Variants in LINGO2 observed in about 807,000 individuals in gnomAD.
LINGO2 encodes leucine-rich repeat and immunoglobulin-like domain-containing nogo receptor-interacting protein 2.
In LINGO2, 14 loss-of-function variants were observed where a neutral mutation model predicts 30.6. The observed-to-expected ratio is 0.46, with a 90% confidence interval of 0.30 to 0.72. LINGO2 has a LOEUF of 0.72. LINGO2 is among the 30% of genes least tolerant of loss of function. The probability of loss-of-function intolerance (pLI) is 0.07; values close to 1 mark genes in which losing one functional copy is unlikely to be tolerated. For missense variants in LINGO2, 729 were observed against 751.7 expected (o/e 0.97, Z 0.35); for synonymous variants, 317 against 288.5 (o/e 1.10, Z -1.00).
At chr9:28,581,086 G>C (rs1004538770) in intron 1 of LINGO2, among the ~76,000 whole-genome samples, 1 of 151,946 alleles carries the variant, frequency 6.6e-6, no homozygotes, top group Non-Finnish European at 1.5e-5. Flanking sequence ...TATCTAACCA[G>C]TAGTGGGTAA....
At chr9:28,679,259 T>C in the LINGO2 span, among the ~76,000 whole-genome samples, 3 of 152,096 alleles carry the variant, frequency 2.0e-5, no homozygotes, top group African/African-American at 7.2e-5. Context: ...CTTTTCACCA[T>C]TATCAAAGCT....
At chr9:28,362,012 A>G (rs983924126) in intron 3 of LINGO2, among the ~76,000 whole-genome samples, 4 of 152,242 alleles carry the variant, frequency 2.6e-5, no homozygotes, top group African/African-American at 4.8e-5. Flanking sequence ...AAGGTGGTAG[A>G]GTACTGTCTG....
intron 1 of LINGO2, among the ~76,000 whole-genome samples, chr9:28,603,896 G>T (rs1158762377): frequency 6.6e-6 from 1 of 151,956 alleles, no homozygotes; most frequent in Non-Finnish European, 1.5e-5. Context: ...ATTGAGACTC[G>T]TCTGCTTAGA....
chr9:28,036,831 G>T lies in LINGO2; in HGVS notation c.-86-24426C>A, dbSNP rs1332350699. ...GCTCAAGAAAATTCAAAAGAAGCAG[G>T]AGAAGCCAGACTATTTCTAGACACA... On this transcript the variant is annotated intron_variant, in intron 4 of 5. Transcript: ENST00000379992. 2.2e-4 allele frequency among the ~76,000 whole-genome samples: 33 copies of T among 152,332 alleles called. 1 individual carries two copies. The highest frequency in any genetic ancestry group is 1.6e-4 in the Non-Finnish European group (11 of 68,024).
rs73433389 is a variant in LINGO2, at chr9:28,382,689, A to G, written c.-278-9821T>C. On this transcript the variant is annotated intron_variant, in intron 2 of 5. Transcript: ENST00000379992. ...ACATTTCAATAAAAAACACTAAAGC[A>G]TGGTGGTCAAAAATACTTGCTCTGT... Among the ~76,000 whole-genome samples, 425 of 152,180 alleles carry G rather than the reference A, an allele frequency of 2.8e-3. 1 individual carries two copies. Among genetic ancestry groups the G allele is most frequent in the African/African-American group, 9.6e-3 (399 of 41,546 alleles).
chr9:28,373,470 G>A (rs890828769), intron 2 of LINGO2, among the ~76,000 whole-genome samples: 5 of 152,100 alleles, frequency 3.3e-5, no homozygotes, highest in African/African-American at 9.7e-5. Context: ...CAAACTGCAA[G>A]CCACTTTTGT....
At chr9:28,696,421 C>G in the LINGO2 span, among the ~76,000 whole-genome samples, 41,480 of 151,528 alleles carry the variant, frequency 0.27, 6,242 homozygotes, top group African/African-American at 0.39. Flanking sequence ...TGTGGAAGGG[C>G]CTCTTAACAT....
intron 4 of LINGO2, among the ~76,000 whole-genome samples, chr9:28,133,658 G>A (rs1163517562): frequency 6.6e-6 from 1 of 152,108 alleles, no homozygotes; most frequent in African/African-American, 2.4e-5. Flanking sequence ...CTTGGAGGCG[G>A]GGTTCATAGA....
chr9:29,054,459 T>C, the LINGO2 span, among the ~76,000 whole-genome samples: 1 of 152,182 alleles, frequency 6.6e-6, no homozygotes, highest in African/African-American at 2.4e-5. Context: ...TTTATAAATA[T>C]ATTTCAAAGC....
intron 4 of LINGO2, among the ~76,000 whole-genome samples, chr9:28,118,798 T>G (rs550321196): frequency 1.3e-5 from 2 of 152,176 alleles, no homozygotes; most frequent in African/African-American, 4.8e-5. Context: ...CTACATCTAG[T>G]AAAGGACAAA....
chr9:28,305,871 A>G (rs1333428248), intron 3 of LINGO2, among the ~76,000 whole-genome samples: 5 of 152,086 alleles, frequency 3.3e-5, no homozygotes, highest in African/African-American at 1.2e-4. Context: ...AGTCAGCCAC[A>G]CTATATTTAC....
chr9:28,174,702 G>T (rs890688670), intron 4 of LINGO2, among the ~76,000 whole-genome samples: 97 of 152,240 alleles, frequency 6.4e-4, no homozygotes, highest in African/African-American at 2.0e-3. Context: ...TATGGTGAAT[G>T]CATGAACACT....
At chr9:28,174,921 T>TGTGTGTGTGTGTGA (rs962695032) in intron 4 of LINGO2, among the ~76,000 whole-genome samples, 46 of 133,414 alleles carry the variant, frequency 3.4e-4, no homozygotes, top group African/African-American at 9.3e-4. Flanking sequence ...TGTGTGTGTG[T>TGTGTGTGTGTGTGA]GAGAGAGAGA....
chr9:28,950,212 G>A, the LINGO2 span, among the ~76,000 whole-genome samples: 203 of 152,182 alleles, frequency 1.3e-3, no homozygotes, highest in Non-Finnish European at 3.8e-4. Flanking sequence ...TGCTAAGAAC[G>A]CTCAATAAAC....
intron 1 of LINGO2, among the ~76,000 whole-genome samples, chr9:28,495,645 T>A (rs1409089205): frequency 6.6e-6 from 1 of 152,178 alleles, no homozygotes; most frequent in East Asian, 1.9e-4. Context: ...TGAAGTCAGG[T>A]GTCTCTATTT....
chr9:28,322,339 T>G (rs1825074076), intron 3 of LINGO2, among the ~76,000 whole-genome samples: 1 of 152,050 alleles, frequency 6.6e-6, no homozygotes, highest in Admixed American at 6.6e-5. Context: ...TTCATTCCAC[T>G]TAAAAAATAT....
rs147624696 is a variant in LINGO2, at chr9:28,230,686, A to G, written c.-87+64522T>C. The stretch of plus-strand genomic sequence containing the variant: ...TGAGATTTTAATTGAATTGCAAAAA[A>G]TCTGCAAATTAATTTGTAAATAATT... On this transcript the variant is annotated intron_variant, in intron 4 of 5. Coordinates refer to ENST00000379992, the Ensembl canonical transcript of LINGO2. 7.2e-5 allele frequency among the ~76,000 whole-genome samples: 11 copies of G among 152,090 alleles called. No homozygotes were observed. In the East Asian group the frequency reaches 2.1e-3, roughly 29 times the overall value.
intron 4 of LINGO2, among the ~76,000 whole-genome samples, chr9:28,053,313 G>A (rs915030362): frequency 6.6e-6 from 1 of 152,116 alleles, no homozygotes; most frequent in South Asian, 2.1e-4. Flanking sequence ...CAGCAGTTTA[G>A]TATGACCGGG....
At chr9:28,767,209 T>C in the LINGO2 span, among the ~76,000 whole-genome samples, 1 of 152,152 alleles carries the variant, frequency 6.6e-6, no homozygotes, top group Non-Finnish European at 1.5e-5. Context: ...CATTATATAC[T>C]GAAAACTTGC....
Sources: allele counts gnomAD v4.1 joint callset (sites outside exome capture counted in the v4.1 genomes callset), GRCh38; gene constraint gnomAD v4.1.1; transcripts MANE v1.5; gene names NCBI Gene and HGNC (gene_info 2026-07-23, HGNC 2026-07-21).